The following RIMKLB variants were observed in gnomAD, a reference collection of about 807,000 sequenced individuals.
The protein encoded by RIMKLB is ribosomal modification protein rimK like family member B.
Under a neutral mutation model 32.0 loss-of-function variants are expected in RIMKLB, and 7 were observed. The ratio of observed to expected loss-of-function variants is 0.22; its 90% CI spans 0.12 to 0.41. RIMKLB has a LOEUF of 0.41. Ranked by LOEUF, RIMKLB falls within the 10% of genes least tolerant of loss-of-function variation. The pLI is 1.00. For synonymous variants in RIMKLB, 172 were observed against 185.1 expected, an observed-to-expected ratio of 0.93 and a Z score of 0.57; for missense variants, 289 against 498.7, an observed-to-expected ratio of 0.58 and a Z score of 4.00.
At chr12:8,748,519 CGTGTGTGTGTGTGTGTGT>C (rs58187682) in intron 2 of RIMKLB, among the ~76,000 whole-genome samples, 243 of 131,282 alleles carry the variant, frequency 1.9e-3, no homozygotes, top group Middle Eastern at 4.0e-3. Context: ...TGGGATTATT[CGTGTGTGTGTGTGTGTGT>C]GTGTGTGTGT....
chr12:8,711,328 G>T (rs956472798), intron 1 of RIMKLB, among the ~76,000 whole-genome samples: 7 of 151,988 alleles, frequency 4.6e-5, no homozygotes, highest in African/African-American at 1.7e-4. Context: ...AGGCCGAGGA[G>T]TTTGAGGCTG....
Position 8,774,084 on chromosome 12 carries a change from C to CTTT in RIMKLB, c.*309_*311dup. ...GCTCATAGGCCATGAGGAACAAATA[C>CTTT]TTTTTTTTTTTCATGGTCCCTTGCT... On this transcript the variant is annotated 3_prime_UTR_variant, in exon 6 of 6. Transcript: ENST00000535829. The CTTT allele has an allele frequency of 1.2e-6, 1 of 851,660 alleles. No individual in the cohort carries two copies. The highest frequency in any genetic ancestry group is 1.5e-6 in the Non-Finnish European group (1 of 689,156). 52.8% of individuals were successfully genotyped at this position (851,660 alleles called of 1,614,324 possible).
intron 5 of RIMKLB, among the ~76,000 whole-genome samples, chr12:8,755,543 T>C (rs1948953560): frequency 6.6e-6 from 1 of 152,200 alleles, no homozygotes; most frequent in South Asian, 2.1e-4. Flanking sequence ...TTTCCAAATC[T>C]GACCATTTTT....
At chr12:8,695,151 T>C (rs749548307), upstream of RIMKLB, among the ~76,000 whole-genome samples, 6 of 152,192 alleles carry the variant, frequency 3.9e-5, no homozygotes, top group African/African-American at 9.6e-5. Flanking sequence ...AGGTTACTTA[T>C]AGTATGTCTT....
At chr12:8,746,597 TCAAA>T (rs2082579144) in intron 2 of RIMKLB, among the ~76,000 whole-genome samples, 1 of 121,054 alleles carries the variant, frequency 8.3e-6, no homozygotes. Context: ...AGACTCTGTC[TCAAA>T]AAAAAAAAAA....
intron 1 of RIMKLB, among the ~76,000 whole-genome samples, chr12:8,712,398 G>C (rs1282093716): frequency 6.6e-6 from 1 of 152,080 alleles, no homozygotes; most frequent in South Asian, 2.1e-4. Context: ...GGTGACAAGA[G>C]TGAAACTCTA....
chr12:8,763,052 G>A (rs1949664858), intron 5 of RIMKLB, among the ~76,000 whole-genome samples: 1 of 152,234 alleles, frequency 6.6e-6, no homozygotes, highest in South Asian at 2.1e-4. Context: ...ACAGCCACAA[G>A]TCTCTTTTAG....
chr12:8,732,780 C>G (rs1256790752), intron 2 of RIMKLB, among the ~76,000 whole-genome samples: 1 of 151,524 alleles, frequency 6.6e-6, no homozygotes, highest in Non-Finnish European at 1.5e-5. Flanking sequence ...CACACACACA[C>G]ACTCTCTTTA....
At chr12:8,731,405 A>G (rs1363082345) in intron 2 of RIMKLB, among the ~76,000 whole-genome samples, 1 of 149,000 alleles carries the variant, frequency 6.7e-6, no homozygotes, top group Non-Finnish European at 1.5e-5. Flanking sequence ...GCCTCCTTTC[A>G]CTGTTTTTCA....
At position 8,775,679 on chromosome 12, in the gene RIMKLB, T is replaced by G. The variant is rs1442830109; in HGVS notation, c.*1895T>G. 1.0e-6 allele frequency: 1 copy of G among 985,334 alleles called. No individual in the cohort carries two copies. The highest frequency in any genetic ancestry group is 1.2e-6 in the Non-Finnish European group (1 of 829,568). The allele number at this position is 985,334 out of a possible 1,614,324, so 61.0% of individuals were successfully genotyped here. On this transcript the variant is annotated 3_prime_UTR_variant, in exon 6 of 6. Coordinates refer to ENST00000535829, the MANE Select transcript of RIMKLB (RefSeq NM_001297776.2). ...TTTTCCCCCGTTTTAAAAAGGAATG[T>G]AATAAAATTTGTTTTTTCCATAGAA...
rs1947508552 is a variant in RIMKLB, at chr12:8,741,381, A to G, written c.176-8481A>G. Among the ~76,000 whole-genome samples the G allele has an allele frequency of 2.0e-5, 3 of 151,026 alleles. No homozygotes were observed. In the South Asian group the frequency reaches 6.3e-4, roughly 32 times the overall value. ...CGACAGAGCAAGACTCCACCTTAAA[A>G]AAAAAAAGGAGAATCAGTTCTTCAA... On this transcript the variant is annotated intron_variant, in intron 2 of 5. Coordinates refer to ENST00000535829, the MANE Select transcript of RIMKLB (RefSeq NM_001297776.2).
At chr12:8,694,294 TC>T (rs1942819550), upstream of RIMKLB, among the ~76,000 whole-genome samples, 3 of 151,736 alleles carry the variant, frequency 2.0e-5, no homozygotes, top group Non-Finnish European at 4.4e-5. Flanking sequence ...CCCAGGCTGG[TC>T]TTGGACTCGT....
At chr12:8,735,204 C>A (rs1376976135) in intron 2 of RIMKLB, among the ~76,000 whole-genome samples, 1 of 152,056 alleles carries the variant, frequency 6.6e-6, no homozygotes. Context: ...ACTTATCAGG[C>A]AGCAATATTT....
chr12:8,684,134 C>T (rs116616924), intron 1 of RIMKLB, among the ~76,000 whole-genome samples: 2,674 of 151,710 alleles, frequency 0.018, 54 homozygotes, highest in African/African-American at 0.051. Context: ...CCTTTGGTGT[C>T]GTATCTAAAA....
chr12:8,721,205 T>C (rs181420211), intron 2 of RIMKLB, among the ~76,000 whole-genome samples: 2 of 152,322 alleles, frequency 1.3e-5, no homozygotes, highest in East Asian at 3.9e-4. Context: ...CACAAACTTT[T>C]GGTTGATGGC....
Position 8,776,312 on chromosome 12 carries a change from TA to T in RIMKLB, c.*2533del, listed in dbSNP as rs138723846. The T allele has an allele frequency of 1.0e-6, 1 of 977,492 alleles. No individual in the cohort carries two copies. The highest frequency in any genetic ancestry group is 4.7e-5 in the South Asian group (1 of 21,140). 60.6% of individuals were successfully genotyped at this position (977,492 alleles called of 1,614,324 possible). ...AAAGAGCAGTAGTTATCTTAGATTT[TA>T]AAAACATGGATATCTTCTTGAATTC... On this transcript the variant is annotated 3_prime_UTR_variant, in exon 6 of 6. Coordinates refer to ENST00000535829, the MANE Select transcript of RIMKLB (RefSeq NM_001297776.2).
chr12:8,776,806 T>C lies in RIMKLB; in HGVS notation c.*3022T>C. ...ACAGTAGAAAAACCCAACAAGAGAC[T>C]TGGCATTCATCAAGCACATTATCAG... On this transcript the variant is annotated 3_prime_UTR_variant, in exon 6 of 6. Coordinates refer to ENST00000535829, the MANE Select transcript of RIMKLB (RefSeq NM_001297776.2). 2.9e-5 allele frequency: 29 copies of C among 985,628 alleles called. No homozygotes were observed. Among genetic ancestry groups the C allele is most frequent in the Non-Finnish European group, 3.3e-5 (27 of 829,822 alleles). 61.1% of individuals were successfully genotyped at this position (985,628 alleles called of 1,614,324 possible).
chr12:8,725,684 A>C (rs1419943390), intron 2 of RIMKLB, among the ~76,000 whole-genome samples: 1 of 152,236 alleles, frequency 6.6e-6, no homozygotes, highest in Non-Finnish European at 1.5e-5. Flanking sequence ...CTTTAGCGCC[A>C]TATGAAGCTG....
intron 1 of RIMKLB, among the ~76,000 whole-genome samples, chr12:8,692,000 A>AC (rs1212257476): frequency 7.0e-6 from 1 of 143,008 alleles, no homozygotes; most frequent in Non-Finnish European, 1.6e-5. Flanking sequence ...GCACCAAGAG[A>AC]GGGTTTTTTT....
Sources: gnomAD v4.1 joint callset for allele counts (sites outside exome capture counted in the v4.1 genomes callset) on GRCh38, gnomAD v4.1.1 for gene constraint, MANE v1.5 for transcripts, NCBI Gene and HGNC (gene_info 2026-07-23, HGNC 2026-07-21) for gene names.